OXSR1: variants seen among roughly 807,000 people sequenced by gnomAD.
OXSR1 encodes oxidative stress responsive kinase 1, also known as serine/threonine-protein kinase OSR1.
OXSR1 carries 24 observed loss-of-function variants against 79.8 expected under a neutral mutation model. That is an observed-to-expected ratio of 0.30 (90% CI 0.22 to 0.42). The LOEUF is 0.42. Ranked by LOEUF, OXSR1 falls within the 10% of genes least tolerant of loss-of-function variation. The pLI, the probability that OXSR1 is intolerant of heterozygous loss-of-function variation, is 1.00. For synonymous variants in OXSR1, 226 were observed against 209.2 expected, an observed-to-expected ratio of 1.08 and a Z score of -0.69; for missense variants, 430 against 618.4, an observed-to-expected ratio of 0.70 and a Z score of 3.23.
chr3:38,201,305 C>T (rs986344057), intron 4 of OXSR1, among the ~76,000 whole-genome samples: 71 of 152,156 alleles, frequency 4.7e-4, no homozygotes, highest in African/African-American at 1.3e-3. Context: ...TGGTGGCTCA[C>T]GCCTATAATC....
chr3:38,194,014 CACAGCTTAAATTTTTTTTTTAA>C (rs1702030460), intron 3 of OXSR1, among the ~76,000 whole-genome samples: 1 of 151,982 alleles, frequency 6.6e-6, no homozygotes, highest in Non-Finnish European at 1.5e-5. Flanking sequence ...TAGAACTAAG[CACAGCTTAAATTTTTTTTTTAA>C]ACAGGAGGAA....
intron 8 of OXSR1, among the ~76,000 whole-genome samples, chr3:38,227,468 A>G (rs1005909090): frequency 6.6e-6 from 1 of 151,940 alleles, no homozygotes; most frequent in Admixed American, 6.6e-5. Context: ...CAGAAAGATC[A>G]AAGAGGGAAT....
At chr3:38,200,159 G>C (rs770957217) in intron 4 of OXSR1, among the ~76,000 whole-genome samples, 18 of 152,116 alleles carry the variant, frequency 1.2e-4, no homozygotes, top group Admixed American at 5.9e-4. Context: ...AGGCATGGTG[G>C]GCTCTCCTGC....
chr3:38,252,858 A>G lies in OXSR1; in HGVS notation c.1551A>G (p.Lys517=). 1.2e-6 allele frequency: 2 copies of G among 1,613,714 alleles called. No homozygotes were observed. The highest frequency in any genetic ancestry group is 4.5e-5 in the East Asian group (2 of 44,866). The part of the protein sequence containing the change: ...VEGSDIPDDG[K]LIGFAQLSIS The stretch of plus-strand genomic sequence containing the variant: ...GCTCAGATATTCCTGATGATGGTAA[A>G]CTGATAGGATTTGCCCAGCTCAGCA... Residue 517 remains lysine, a synonymous_variant, in exon 18 of 18, where the codon AAA becomes AAG. Coordinates refer to ENST00000311806, the MANE Select transcript of OXSR1 (RefSeq NM_005109.3).
chr3:38,202,332 GA>G (rs1319869896), intron 4 of OXSR1, among the ~76,000 whole-genome samples: 1 of 152,186 alleles, frequency 6.6e-6, no homozygotes, highest in Non-Finnish European at 1.5e-5. Context: ...ACAACAAAGA[GA>G]GAGAGAAAGT....
chr3:38,179,526 C>T (rs1202353411), intron 1 of OXSR1, among the ~76,000 whole-genome samples: 1 of 152,144 alleles, frequency 6.6e-6, no homozygotes, highest in Non-Finnish European at 1.5e-5. Flanking sequence ...TTAAAGTGTA[C>T]AATTCAGCAT....
At chr3:38,225,519 G>A (rs1348051833) in intron 8 of OXSR1, among the ~76,000 whole-genome samples, 1 of 151,980 alleles carries the variant, frequency 6.6e-6, no homozygotes, top group African/African-American at 2.4e-5. Context: ...GGAAATATTG[G>A]AAAGGGTAAG....
At chr3:38,199,924 TG>T (rs1702132833) in intron 4 of OXSR1, among the ~76,000 whole-genome samples, 1 of 152,204 alleles carries the variant, frequency 6.6e-6, no homozygotes, top group African/African-American at 2.4e-5. Context: ...CTGTTGATAT[TG>T]CCTGTGGGGA....
chr3:38,251,246 C>T (rs1350852799), intron 15 of OXSR1, among the ~76,000 whole-genome samples, 157 bp from the exon 16 acceptor site: 2 of 152,046 alleles, frequency 1.3e-5, no homozygotes, highest in African/African-American at 4.8e-5. Flanking sequence ...TAGGAAAAGT[C>T]TTTGTATGGA....
intron 4 of OXSR1, among the ~76,000 whole-genome samples, chr3:38,201,752 T>C (rs1031679617): frequency 6.6e-6 from 1 of 151,806 alleles, no homozygotes; most frequent in Admixed American, 6.6e-5. Context: ...TGGTCTCAGC[T>C]ACTCAGGAGG....
chr3:38,210,674 T>TA (rs1044012313), intron 4 of OXSR1, among the ~76,000 whole-genome samples: 2 of 152,178 alleles, frequency 1.3e-5, no homozygotes, highest in African/African-American at 4.8e-5. Context: ...ACTCCAGCAA[T>TA]AGTCTTCTGC....
In OXSR1 at chr3:38,198,872, A is replaced by G. The variant is rs1003911522; in HGVS notation, c.434+9A>G. The G allele has an allele frequency of 6.2e-7, 1 of 1,609,992 alleles. No homozygotes were observed. Among genetic ancestry groups the G allele is most frequent in the African/African-American group, 1.3e-5 (1 of 74,700 alleles). On this transcript the variant is annotated intron_variant, in intron 4 of 17. Coordinates refer to ENST00000311806, the MANE Select transcript of OXSR1 (RefSeq NM_005109.3). The stretch of plus-strand genomic sequence containing the variant: ...AATGGACAGATCCACAGGTATGTAA[A>G]AGACAATACTCTTGTGTTACATCAT...
In OXSR1 at chr3:38,216,892, T is replaced by C. The variant is rs1702492100; in HGVS notation, c.490+741T>C. Among the ~76,000 whole-genome samples, 3 of 152,040 alleles carry C rather than the reference T, an allele frequency of 2.0e-5. 1 individual carries two copies. The highest frequency in any genetic ancestry group is 4.1e-4 in the South Asian group (2 of 4,830). On this transcript the variant is annotated intron_variant, in intron 5 of 17. Coordinates refer to ENST00000311806, the MANE Select transcript of OXSR1 (RefSeq NM_005109.3). Reference sequence around the variant, plus strand: ...ATATTTTAACCAAGTCACATAAAGCTCTAATATAAAGGGAAAGATTGATAA... The same window carrying C: ...ATATTTTAACCAAGTCACATAAAGCCCTAATATAAAGGGAAAGATTGATAA...
At chr3:38,193,715 A>T (rs185533093) in intron 3 of OXSR1, among the ~76,000 whole-genome samples, 12 of 151,792 alleles carry the variant, frequency 7.9e-5, no homozygotes, top group African/African-American at 2.9e-4. Flanking sequence ...TGTCTTTTAA[A>T]TGTAGCTCTT....
chr3:38,233,392 C>G (rs932364503), intron 10 of OXSR1, among the ~76,000 whole-genome samples: 4 of 152,166 alleles, frequency 2.6e-5, no homozygotes, highest in Non-Finnish European at 4.4e-5. Flanking sequence ...ACCCACATCA[C>G]TCTGCAGTGA....
intron 1 of OXSR1, among the ~76,000 whole-genome samples, chr3:38,169,841 C>T (rs1559497649): frequency 6.6e-6 from 1 of 151,596 alleles, no homozygotes; most frequent in Non-Finnish European, 1.5e-5. Flanking sequence ...GTGATCCTCC[C>T]ACCCCTGCCT....
At chr3:38,192,000 G>A (rs1274281551) in intron 3 of OXSR1, among the ~76,000 whole-genome samples, 1 of 152,156 alleles carries the variant, frequency 6.6e-6, no homozygotes, top group Non-Finnish European at 1.5e-5. Flanking sequence ...AAATAATGGA[G>A]TCTTTTTTAA....
chr3:38,231,392 C>T (rs1013286726), intron 10 of OXSR1, among the ~76,000 whole-genome samples: 2 of 151,734 alleles, frequency 1.3e-5, no homozygotes, highest in Non-Finnish European at 2.9e-5. Context: ...AAAGTCATGA[C>T]TCTAGTGGAT....
At chr3:38,177,038 A>G (rs1045815182) in intron 1 of OXSR1, among the ~76,000 whole-genome samples, 2 of 152,236 alleles carry the variant, frequency 1.3e-5, no homozygotes, top group African/African-American at 2.4e-5. Context: ...GTTAAAAAGA[A>G]CACCACTGGA....
Sources: allele counts gnomAD v4.1 joint callset (sites outside exome capture counted in the v4.1 genomes callset), GRCh38; gene constraint gnomAD v4.1.1; transcripts MANE v1.5; gene names NCBI Gene and HGNC (gene_info 2026-07-23, HGNC 2026-07-21).